The following ATP8B3 variants were observed in gnomAD, a reference collection of about 807,000 sequenced individuals.
ATP8B3 encodes phospholipid-transporting ATPase IK.
ATP8B3 carries 141 observed loss-of-function variants against 140.9 expected under a neutral mutation model. That is an observed-to-expected ratio of 1.00 (90% CI 0.87 to 1.15). The LOEUF is 1.15. ATP8B3 is among the 50% of genes most tolerant of loss of function. The pLI, the probability that ATP8B3 is intolerant of heterozygous loss-of-function variation, is 0.00. For synonymous variants in ATP8B3, 765 were observed against 714.6 expected (o/e 1.07, Z -1.13); for missense variants, 1,874 against 1,740.6 (o/e 1.08, Z -1.36).
chr19:1,808,379 A>T (rs574353080), intron 4 of ATP8B3, 44 bp from the exon 5 acceptor site: 3 of 1,486,790 alleles, frequency 2.0e-6, no homozygotes, highest in Admixed American at 3.5e-5. Context: ...GGTGCCATCC[A>T]GGCCAGGGGA....
chr19:1,789,286 C>T lies in ATP8B3; in HGVS notation c.2845+75G>A, dbSNP rs551882005. The T allele has an allele frequency of 3.1e-5, 45 of 1,431,658 alleles. No individual in the cohort carries two copies. The African/African-American group carries it at 5.3e-4, about 17-fold the overall frequency. 88.7% of individuals were successfully genotyped at this position (1,431,658 alleles called of 1,614,324 possible). ...GCCCCCCTCACCTGCCCCAGGTCCC[C>T]CCAGTCCCACCACCGCCTCCGTCAG... On this transcript the variant is annotated intron_variant, in intron 23 of 28. Coordinates refer to ENST00000310127, the MANE Select transcript of ATP8B3 (RefSeq NM_138813.4).
At position 1,782,972 on chromosome 19, in the gene ATP8B3, A is replaced by T; in HGVS notation, c.*56T>A. 1 of 1,554,028 alleles carries T rather than the reference A, an allele frequency of 6.4e-7. No homozygotes were observed. The highest frequency in any genetic ancestry group is 2.4e-5 in the East Asian group (1 of 41,772). The stretch of plus-strand genomic sequence containing the variant: ...GGGGAGCTGTACTTCCTGGGAGGAC[A>T]CCTGCCCCTGTGGCTGGTGCTTCTT... On this transcript the variant is annotated 3_prime_UTR_variant, in exon 29 of 29. Transcript: ENST00000310127.
intron 28 of ATP8B3, among the ~76,000 whole-genome samples, chr19:1,784,324 G>A (rs1482530373): frequency 6.6e-6 from 1 of 151,978 alleles, no homozygotes; most frequent in Non-Finnish European, 1.5e-5. Context: ...AACCAGCCTG[G>A]GCACCATAAT....
At chr19:1,808,150 A>C in intron 5 of ATP8B3, 72 bp downstream of exon 5, 3 of 1,261,056 alleles carry the variant, frequency 2.4e-6, no homozygotes, top group South Asian at 1.3e-5. Flanking sequence ...GAACCCACCC[A>C]TCACACAGAC....
At chr19:1,789,178 C>A (rs1276757356) in intron 23 of ATP8B3, 58 bp from the exon 24 acceptor site, 21 of 1,154,792 alleles carry the variant, frequency 1.8e-5, no homozygotes, top group Non-Finnish European at 2.4e-6. Context: ...GCCCGCCCCC[C>A]CAGACCCCCG....
rs2069082875 is a variant in ATP8B3 at position 1,808,147 on chromosome 19, C to T, written c.516+75G>A. On this transcript the variant is annotated intron_variant, in intron 5 of 28. Coordinates refer to ENST00000310127, the MANE Select transcript of ATP8B3 (RefSeq NM_138813.4). ...CTGTGGGGAGTGGGACGTGAACCCA[C>T]CCATCACACAGACAAACACATCGAT... The T allele has an allele frequency of 5.7e-6, 7 of 1,233,026 alleles. No individual in the cohort carries two copies. In the South Asian group the frequency reaches 7.7e-5, roughly 14 times the overall value. The allele number at this position is 1,233,026 out of a possible 1,614,324, so 76.4% of individuals were successfully genotyped here.
intron 3 of ATP8B3, among the ~76,000 whole-genome samples, chr19:1,809,988 C>T (rs924436631): frequency 5.3e-5 from 8 of 152,214 alleles, no homozygotes; most frequent in South Asian, 2.1e-4. Context: ...TGTCCTGAGA[C>T]GCAGAGAACA....
chr19:1,790,667 G>T, intron 21 of ATP8B3, 90 bp downstream of exon 21: 1 of 1,072,118 alleles, frequency 9.3e-7, no homozygotes, highest in East Asian at 3.0e-5. Context: ...CTGTGCCTTG[G>T]GCTCCCCGTC....
chr19:1,802,550 G>T lies in ATP8B3; in HGVS notation c.1000C>A (p.Leu334Ile). 6.2e-7 allele frequency: 1 copy of T among 1,610,558 alleles called. No homozygotes were observed. The highest frequency in any genetic ancestry group is 2.2e-5 in the East Asian group (1 of 44,680). Residue 334 changes from leucine to isoleucine, a missense_variant, in exon 11 of 29, where the codon CTC becomes ATC. By Grantham distance (5) the Leu-to-Ile change is conservative. Transcript: ENST00000310127. ...CGAATCCTGCAGCCTCGGAGGAGGAGGTTGCCAATGTCCAGGGAGTATTTC... is the reference window on the plus strand; with the variant it reads ...CGAATCCTGCAGCCTCGGAGGAGGATGTTGCCAATGTCCAGGGAGTATTTC... ...DKKYSLDIGN[L>I]LLRGCRIRNT...
chr19:1,788,028 T>C (rs558466217), intron 24 of ATP8B3, among the ~76,000 whole-genome samples: 27 of 151,878 alleles, frequency 1.8e-4, no homozygotes, highest in African/African-American at 6.5e-4. Context: ...GGCAACAGAG[T>C]GAGACTCTGT....
At position 1,784,822 on chromosome 19, in the gene ATP8B3, G is replaced by A; in HGVS notation, c.3657C>T (p.Ala1219=). ...VIFPALKELR[A]KEEKVEEGPS... ...CCCAGGCCCAGGCCCACCTCACCTT[G>A]GCACGTAGCTCCTTGAGGGCTGGGA... Residue 1219 remains alanine, a synonymous_variant, in exon 28 of 29, where the codon GCC becomes GCT. Coordinates refer to ENST00000310127, the MANE Select transcript of ATP8B3 (RefSeq NM_138813.4). 1 of 1,601,732 alleles carries A rather than the reference G, an allele frequency of 6.2e-7. No homozygotes were observed. The highest frequency in any genetic ancestry group is 8.5e-7 in the Non-Finnish European group (1 of 1,174,320).
rs754408573 is a variant in ATP8B3 at position 1,808,331 on chromosome 19, T to G, written c.407A>C (p.Asn136Thr). Residue 136 changes from asparagine (N) to threonine (T), a missense_variant, in exon 5 of 29, where the codon AAT (asparagine) becomes ACT (threonine). Asn to Thr is a moderately conservative substitution (Grantham distance 65). Transcript: ENST00000310127. ...LCWQRKKYKT[N>T]VIRTAKYNFY... ...GTTGTACTTGGCCGTGCGGATGACA[T>G]TGGTCTGGAACGAGAGCCGCGGGCT... 6.2e-7 allele frequency: 1 copy of G among 1,611,620 alleles called. No homozygotes were observed.
Position 1,796,874 on chromosome 19 carries a change from G to T in ATP8B3, c.1590C>A (p.Asn530Lys), listed in dbSNP as rs2068695515. The T allele has an allele frequency of 1.2e-6, 2 of 1,611,812 alleles. No individual in the cohort carries two copies. Among genetic ancestry groups the T allele is most frequent in the Admixed American group, 1.7e-5 (1 of 59,912 alleles). ...CGGCGAACTTGTTCCAGAGGTAGGG[G>T]TTCTCCTGGGGGTGGCGGGGGCACG... is the stretch of plus-strand genomic sequence containing the variant. ...DSEATTRPKE[N>K]PYLWNKFADG... is the part of the protein sequence containing the mutation. Residue 530 changes from asparagine (N) to lysine (K), a missense_variant, in exon 16 of 29, where the codon AAC (asparagine) becomes AAA (lysine). Asn to Lys is a moderately conservative substitution (Grantham distance 94, BLOSUM62 0). Around this residue, in one of 3 missense-constraint regions of ATP8B3, gnomAD observed 1,032 missense variants for 963.6 expected, o/e 1.07. Coordinates refer to ENST00000310127, the MANE Select transcript of ATP8B3 (RefSeq NM_138813.4).
At position 1,807,676 on chromosome 19, in the gene ATP8B3, T is replaced by G. The variant is rs2069068661; in HGVS notation, c.517-410A>C. 6.6e-6 allele frequency among the ~76,000 whole-genome samples: 1 copy of G among 152,234 alleles called. No individual in the cohort carries two copies. The highest frequency in any genetic ancestry group is 1.5e-5 in the Non-Finnish European group (1 of 68,034). On this transcript the variant is annotated intron_variant, in intron 5 of 28. Coordinates refer to ENST00000310127, the MANE Select transcript of ATP8B3 (RefSeq NM_138813.4). This position sits in a 1 kb window ranked among gnomAD's most constrained non-coding sequence, Gnocchi z 5.9. ...CCAGCGGCCTGCACACAGTAGGTAC[T>G]CCATTAATGCTGAATGACTCGATGG...
rs200643613 is a variant in ATP8B3, at chr19:1,796,816, G to A, written c.1648C>T (p.Leu550=). 3 of 1,612,476 alleles carry A rather than the reference G, an allele frequency of 1.9e-6. No individual in the cohort carries two copies. Among genetic ancestry groups the A allele is most frequent in the Non-Finnish European group, 2.5e-6 (3 of 1,179,620 alleles). ...TCCCCGTTGGTCCGCACGAGGTGCA[G>A]CAGGGCCGCATTGTGGAAGAGCAGC... ...GKLLFHNAAL[L]HLVRTNGDEA... is the part of the protein sequence containing the mutation. The change falls in exon 16 of 29, where the codon CTG becomes TTG. Residue 550 remains leucine, a synonymous_variant. Transcript: ENST00000310127.
chr19:1,786,011 T>A (rs2068294639), intron 25 of ATP8B3, among the ~76,000 whole-genome samples: 1 of 151,984 alleles, frequency 6.6e-6, no homozygotes, highest in Admixed American at 6.6e-5. Context: ...TGCGCACCTG[T>A]AATCCCATCT....
chr19:1,783,104 A>G lies in ATP8B3; in HGVS notation c.3827T>C (p.Val1276Ala), dbSNP rs749426990. 4.3e-5 allele frequency: 69 copies of G among 1,611,910 alleles called. No individual in the cohort carries two copies. The East Asian group carries it at 1.5e-3, about 34-fold the overall frequency. ...GGATTCAGATGCTATGTCACTGCTG[A>G]CCCCTGGTCCCCTCCGCAGAATTGT... Reference protein sequence around the residue: ...QGTILRRGPGVSSDIASESLD... With the variant: ...QGTILRRGPGASSDIASESLD... The change falls in exon 29 of 29, where the codon GTC becomes GCC. Residue 1276 changes from valine (V) to alanine (A), a missense_variant. This residue lies in a region of ATP8B3 where 840 missense variants were observed against 760.9 expected (regional missense o/e 1.10). Transcript: ENST00000310127.
rs751936406 is a variant in ATP8B3 at position 1,789,677 on chromosome 19, G to T, written c.2529C>A (p.Asn843Lys). 1.3e-6 allele frequency: 2 copies of T among 1,599,430 alleles called. No homozygotes were observed. Among genetic ancestry groups the T allele is most frequent in the Non-Finnish European group, 8.5e-7 (1 of 1,175,800 alleles). ...LRKEPRALAQ[N>K]VNMDEAWQEL... ...CCTGCCACGCCTCGTCCATGTTCAC[G>T]TTCTGCGCCAGGGCGCGCGGCTCCT... The change falls in exon 23 of 29, where the codon AAC becomes AAA. Residue 843 changes from asparagine (N) to lysine (K), a missense_variant. Asn to Lys is a moderately conservative substitution (Grantham distance 94). Around this residue, in one of 3 missense-constraint regions of ATP8B3, gnomAD observed 840 missense variants for 760.9 expected, o/e 1.10. Coordinates refer to ENST00000310127, the MANE Select transcript of ATP8B3 (RefSeq NM_138813.4).
At chr19:1,784,685 C>G in intron 28 of ATP8B3, 134 bp downstream of exon 28, 1 of 1,271,048 alleles carries the variant, frequency 7.9e-7, no homozygotes, top group Non-Finnish European at 1.1e-6. Context: ...TCCGCACCCA[C>G]CCTTCCCCCA....
Sources: allele counts gnomAD v4.1 joint callset (sites outside exome capture counted in the v4.1 genomes callset), GRCh38; gene constraint gnomAD v4.1.1; regional missense constraint gnomAD v4.1.1; non-coding constraint Gnocchi (gnomAD v3.1); transcripts MANE v1.5; gene names NCBI Gene and HGNC (gene_info 2026-07-23, HGNC 2026-07-21).